ZFPM2: variants seen among roughly 807,000 people sequenced by gnomAD.
ZFPM2 encodes zinc finger protein ZFPM2.
Under a neutral mutation model 98.6 loss-of-function variants are expected in ZFPM2, and 20 were observed. The observed-to-expected ratio is 0.20, with a 90% CI of 0.14 to 0.29. The LOEUF (loss-of-function observed/expected upper bound fraction) is 0.29, where lower values mean the gene tolerates loss of function less well. ZFPM2 is among the 10% of genes least tolerant of loss of function. The pLI is 1.00. For missense variants in ZFPM2, 1,310 were observed against 1,388.6 expected (o/e 0.94, Z 0.90); for synonymous variants, 518 against 502.7 (o/e 1.03, Z -0.41).
intron 1 of ZFPM2, among the ~76,000 whole-genome samples, chr8:105,384,434 T>C (rs1247620858): frequency 6.6e-6 from 1 of 152,052 alleles, no homozygotes; most frequent in African/African-American, 2.4e-5. Context: ...AGGTGGATTA[T>C]CCATAGAGTT....
intron 5 of ZFPM2, among the ~76,000 whole-genome samples, chr8:105,639,621 A>T (rs1298933532): frequency 6.6e-6 from 1 of 152,098 alleles, no homozygotes; most frequent in Non-Finnish European, 1.5e-5. Context: ...AATGGCTACC[A>T]TGCAGGATTT....
chr8:105,672,988 A>G (rs1817622988), intron 5 of ZFPM2, among the ~76,000 whole-genome samples: 1 of 152,114 alleles, frequency 6.6e-6, no homozygotes, highest in Non-Finnish European at 1.5e-5. Flanking sequence ...ACACAGGGGG[A>G]AATTGCTGAA....
chr8:105,756,537 T>G (rs903747816), intron 5 of ZFPM2, among the ~76,000 whole-genome samples: 1 of 152,148 alleles, frequency 6.6e-6, no homozygotes, highest in African/African-American at 2.4e-5. Flanking sequence ...ATGGCTTTCA[T>G]GGAGGTAGGC....
chr8:105,683,364 T>G (rs916822612), intron 5 of ZFPM2, among the ~76,000 whole-genome samples: 1 of 152,144 alleles, frequency 6.6e-6, no homozygotes, highest in Non-Finnish European at 1.5e-5. Context: ...GGAATTTGCT[T>G]TGCATTTATA....
chr8:105,627,157 T>A lies in ZFPM2; in HGVS notation c.421-7089T>A, dbSNP rs146477017. Among the ~76,000 whole-genome samples the A allele has an allele frequency of 3.8e-3, 582 of 152,298 alleles. 2 individuals are homozygous for A. The highest frequency in any genetic ancestry group is 0.013 in the African/African-American group (549 of 41,580). ...ATCTCCATTAACCTTTTGGCTTGAC[T>A]ATAAACATTTATTGAAGGCTTCCTC... On this transcript the variant is annotated intron_variant, in intron 4 of 7. Coordinates refer to ENST00000407775, the MANE Select transcript of ZFPM2 (RefSeq NM_012082.4).
chr8:105,576,327 A>G (rs1815467295), intron 4 of ZFPM2, among the ~76,000 whole-genome samples: 1 of 152,146 alleles, frequency 6.6e-6, no homozygotes, highest in African/African-American at 2.4e-5. Flanking sequence ...ATGAATAAAC[A>G]TAGAGGCACA....
At chr8:105,431,576 G>C (rs148218712) in intron 2 of ZFPM2, among the ~76,000 whole-genome samples, 3 of 152,154 alleles carry the variant, frequency 2.0e-5, no homozygotes, top group Non-Finnish European at 4.4e-5. Flanking sequence ...AATGGTTCAG[G>C]GTGGTTTGAT....
intron 3 of ZFPM2, among the ~76,000 whole-genome samples, chr8:105,512,316 T>G (rs539840846): frequency 1.3e-5 from 2 of 152,336 alleles, no homozygotes; most frequent in East Asian, 1.9e-4. Flanking sequence ...GCTTTGACCC[T>G]TGTAAACCAG....
At chr8:105,600,455 T>C (rs1335889113) in intron 4 of ZFPM2, among the ~76,000 whole-genome samples, 1 of 152,078 alleles carries the variant, frequency 6.6e-6, no homozygotes, top group East Asian at 1.9e-4. Context: ...AAAAGAGGGA[T>C]TTCTTTTTTT....
At chr8:105,629,286 A>C (rs1816715120) in intron 4 of ZFPM2, among the ~76,000 whole-genome samples, 1 of 152,350 alleles carries the variant, frequency 6.6e-6, no homozygotes, top group Admixed American at 6.5e-5. Flanking sequence ...CCCTGTTGCG[A>C]GTCCTGTGAA....
At chr8:105,722,504 C>A (rs914640627) in intron 5 of ZFPM2, among the ~76,000 whole-genome samples, 1 of 151,860 alleles carries the variant, frequency 6.6e-6, no homozygotes, top group Non-Finnish European at 1.5e-5. Context: ...GACCAAAAAC[C>A]TGACCAATGA....
intron 5 of ZFPM2, among the ~76,000 whole-genome samples, chr8:105,755,284 T>A (rs1374904797): frequency 2.6e-5 from 4 of 152,116 alleles, no homozygotes; most frequent in South Asian, 2.1e-4. Flanking sequence ...GCAAGGAGAA[T>A]AAAGCATGCT....
intron 5 of ZFPM2, chr8:105,678,427 G>C (rs1277221834): frequency 6.6e-6 from 1 of 152,116 alleles, no homozygotes; most frequent in African/African-American, 2.4e-5. Flanking sequence ...ACGTTATGTT[G>C]ACCAGTCTTG....
At chr8:105,621,918 A>G (rs1009465256) in intron 4 of ZFPM2, among the ~76,000 whole-genome samples, 7 of 152,144 alleles carry the variant, frequency 4.6e-5, no homozygotes, top group African/African-American at 1.7e-4. Context: ...TTACATAGGT[A>G]TACATGTGCC....
chr8:105,552,939 A>G (rs925478617), intron 3 of ZFPM2, among the ~76,000 whole-genome samples: 21 of 150,398 alleles, frequency 1.4e-4, no homozygotes, highest in African/African-American at 5.1e-4. Flanking sequence ...CCTCCTGAGT[A>G]GCTGGGACTA....
chr8:105,359,525 C>A (rs1385254778), intron 1 of ZFPM2, among the ~76,000 whole-genome samples: 1 of 151,950 alleles, frequency 6.6e-6, no homozygotes, highest in African/African-American at 2.4e-5. Flanking sequence ...CAGGCACGTG[C>A]CACCATGCCT....
intron 5 of ZFPM2, among the ~76,000 whole-genome samples, chr8:105,784,388 T>TATC (rs1218338987): frequency 6.8e-6 from 1 of 146,698 alleles, no homozygotes; most frequent in Non-Finnish European, 1.5e-5. Flanking sequence ...TAAAATGAGT[T>TATC]ATCTGCCTCC....
At chr8:105,385,593 C>A (rs1214356889) in intron 1 of ZFPM2, among the ~76,000 whole-genome samples, 14 of 152,282 alleles carry the variant, frequency 9.2e-5, no homozygotes, top group Non-Finnish European at 1.9e-4. Flanking sequence ...ATGTACGTAT[C>A]TTAGTGAAAC....
At chr8:105,424,389 T>A (rs79899678) in intron 2 of ZFPM2, among the ~76,000 whole-genome samples, 94 of 152,160 alleles carry the variant, frequency 6.2e-4, no homozygotes, top group African/African-American at 2.0e-3. Context: ...TTGGGTATAA[T>A]AATGCCCTAG....
Sources: gnomAD v4.1 joint callset for allele counts (sites outside exome capture counted in the v4.1 genomes callset) on GRCh38, gnomAD v4.1.1 for gene constraint, MANE v1.5 for transcripts, NCBI Gene and HGNC (gene_info 2026-07-23, HGNC 2026-07-21) for gene names.